INSL6: variants seen among roughly 807,000 people sequenced by gnomAD.
The protein encoded by INSL6 is insulin-like peptide INSL6.
In INSL6, 16 loss-of-function variants were observed where a neutral mutation model predicts 9.4. The ratio of observed to expected loss-of-function variants is 1.70; its 90% CI spans 1.15 to 2.59. The LOEUF (loss-of-function observed/expected upper bound fraction) is 2.59, where lower values mean the gene tolerates loss of function less well. INSL6 is among the 30% of genes most tolerant of loss of function. The pLI is 0.00. For missense variants in INSL6, 391 were observed against 257.3 expected (o/e 1.52, Z -3.56); for synonymous variants, 154 against 96.9 (o/e 1.59, Z -3.46).
chr9:5,081,772 G>A, the INSL6 span: 1 of 1,603,792 alleles, frequency 6.2e-7, no homozygotes, highest in Non-Finnish European at 8.5e-7. Flanking sequence ...TATGAGGATA[G>A]GTGCCCTGGG....
intron 1 of INSL6, among the ~76,000 whole-genome samples, chr9:5,180,388 C>T (rs1033265226): frequency 1.4e-4 from 22 of 151,982 alleles, no homozygotes; most frequent in Admixed American, 5.2e-4. Context: ...TGACTGCCTG[C>T]GGGGTTGGGC....
rs1457206008 is a variant in INSL6 at position 5,164,203 on chromosome 9, C to A, written c.352G>T (p.Asp118Tyr). Residue 118 changes from aspartate to tyrosine, a missense_variant, in exon 2 of 2, where the codon GAT becomes TAT. Physicochemically the swap from Asp to Tyr is radical, Grantham distance 160 (BLOSUM62 -3). Transcript: ENST00000381641. ...WEMQSLPEYK[D>Y]KKGYSPLGKT... is the part of the protein sequence containing the mutation. ...CCAAGGGGTGAATATCCCTTTTTAT[C>A]CTTATACTCAGGTAGTGACTGCATT... The A allele has an allele frequency of 6.2e-7, 1 of 1,607,398 alleles. No individual in the cohort carries two copies. Among genetic ancestry groups the A allele is most frequent in the Admixed American group, 1.7e-5 (1 of 59,008 alleles).
At chr9:5,037,953 T>A in the INSL6 span, among the ~76,000 whole-genome samples, 2 of 152,318 alleles carry the variant, frequency 1.3e-5, no homozygotes, top group African/African-American at 4.8e-5. Context: ...AAACAGTGTA[T>A]CCATTTAACA....
At chr9:5,105,196 G>A in the INSL6 span, among the ~76,000 whole-genome samples, 1 of 152,210 alleles carries the variant, frequency 6.6e-6, no homozygotes, top group Non-Finnish European at 1.5e-5. Context: ...AGGCTGGTAA[G>A]CAACTTCAGC....
the INSL6 span, among the ~76,000 whole-genome samples, chr9:5,104,544 T>TCC: frequency 1.3e-5 from 2 of 152,318 alleles, no homozygotes; most frequent in East Asian, 3.9e-4. Context: ...GAGGGAATCC[T>TCC]CCCTAACTCA....
the INSL6 span, among the ~76,000 whole-genome samples, chr9:5,115,179 A>G: frequency 6.6e-6 from 1 of 152,210 alleles, no homozygotes; most frequent in South Asian, 2.1e-4. Flanking sequence ...ACAAAAGGCT[A>G]ATATCAAGAA....
At chr9:5,098,473 T>G in the INSL6 span, 1 of 152,138 alleles carries the variant, frequency 6.6e-6, no homozygotes, top group South Asian at 2.1e-4. Context: ...ATTTCCGTAA[T>G]ACTCACAACA....
At chr9:5,031,546 A>G in the INSL6 span, among the ~76,000 whole-genome samples, 1 of 152,212 alleles carries the variant, frequency 6.6e-6, no homozygotes, top group Non-Finnish European at 1.5e-5. Flanking sequence ...TTACTTTATA[A>G]TGTATATCAG....
At chr9:5,007,495 C>T in the INSL6 span, among the ~76,000 whole-genome samples, 9 of 152,152 alleles carry the variant, frequency 5.9e-5, no homozygotes, top group South Asian at 1.5e-3. Context: ...CAGAACTTCA[C>T]ATTTTTCAAT....
the INSL6 span, among the ~76,000 whole-genome samples, chr9:5,014,243 A>G: frequency 4.1e-5 from 6 of 146,398 alleles, no homozygotes; most frequent in African/African-American, 1.3e-4. Flanking sequence ...AGCTAAAGTG[A>G]TCCTCTCACC....
chr9:5,083,933 G>C, the INSL6 span, among the ~76,000 whole-genome samples: 19 of 151,846 alleles, frequency 1.3e-4, no homozygotes, highest in Non-Finnish European at 2.8e-4. Flanking sequence ...TCTATATCTT[G>C]CTATTTTTCA....
chr9:5,032,146 C>T, the INSL6 span, among the ~76,000 whole-genome samples: 1 of 152,196 alleles, frequency 6.6e-6, no homozygotes. Flanking sequence ...GAGCCTCGCT[C>T]ATTGCTAGCA....
intron 3 of INSL6, chr9:5,127,819 G>A: frequency 4.3e-6 from 1 of 232,570 alleles, no homozygotes; most frequent in East Asian, 6.0e-5. Context: ...CTGTATATTT[G>A]AGGGGTTTCA....
intron 2 of INSL6, among the ~76,000 whole-genome samples, chr9:5,147,030 G>C (rs1824613322): frequency 6.6e-6 from 1 of 152,196 alleles, no homozygotes; most frequent in Non-Finnish European, 1.5e-5. Context: ...AGGTCCAACA[G>C]TTTCCCTAGA....
intron 1 of INSL6, among the ~76,000 whole-genome samples, chr9:5,172,658 G>A (rs1825210253): frequency 6.6e-6 from 1 of 152,174 alleles, no homozygotes; most frequent in Non-Finnish European, 1.5e-5. Flanking sequence ...GCCAGGTGCA[G>A]TGGCTCACGC....
chr9:5,170,964 G>C (rs1201996589), intron 1 of INSL6, among the ~76,000 whole-genome samples: 1 of 152,108 alleles, frequency 6.6e-6, no homozygotes, highest in African/African-American at 2.4e-5. Flanking sequence ...AATCAAAAAG[G>C]AGGAACTCCT....
At chr9:5,136,943 G>A (rs1824397750) in intron 2 of INSL6, among the ~76,000 whole-genome samples, 1 of 152,158 alleles carries the variant, frequency 6.6e-6, no homozygotes, top group South Asian at 2.1e-4. Flanking sequence ...CAAAATCAAT[G>A]TGCAAAAATC....
chr9:5,018,343 T>C, the INSL6 span, among the ~76,000 whole-genome samples: 1 of 152,156 alleles, frequency 6.6e-6, no homozygotes, highest in African/African-American at 2.4e-5. Flanking sequence ...GTTTGTTTCT[T>C]TTTTGAGACA....
chr9:5,163,520 G>C (rs76814369), downstream of INSL6, among the ~76,000 whole-genome samples: 1,548 of 152,290 alleles, frequency 0.01, 18 homozygotes, highest in African/African-American at 0.036. Context: ...TGGTGGGACA[G>C]ATGGGTCGAC....
Sources: allele counts gnomAD v4.1 joint callset (sites outside exome capture counted in the v4.1 genomes callset), GRCh38; gene constraint gnomAD v4.1.1; transcripts MANE v1.5; gene names NCBI Gene and HGNC (gene_info 2026-07-23, HGNC 2026-07-21).